The following DIPK2B variants were observed in gnomAD, a reference collection of about 807,000 sequenced individuals.
DIPK2B encodes UPF0672 protein CXorf36.
Under a neutral mutation model 22.2 loss-of-function variants are expected in DIPK2B, and 15 were observed. That is an observed-to-expected ratio of 0.68 (90% CI 0.45 to 1.04). The LOEUF (loss-of-function observed/expected upper bound fraction) is 1.04, where lower values mean the gene tolerates loss of function less well. DIPK2B is among the 50% of genes least tolerant of loss of function. The probability of loss-of-function intolerance (pLI) is 0.00; values close to 1 mark genes in which losing one functional copy is unlikely to be tolerated. For synonymous variants in DIPK2B, 163 were observed against 153.2 expected (o/e 1.06, Z -0.47); for missense variants, 345 against 348.3 (o/e 0.99, Z 0.08).
At chrX:45,175,448 C>A (rs150516991) in intron 2 of DIPK2B, among the ~76,000 whole-genome samples, 2,301 of 108,697 alleles carry the variant, frequency 0.021, 72 homozygotes, top group African/African-American at 0.071. Context: ...TACTTTTAAC[C>A]ATGTTAAATA....
chrX:45,165,480 G>A (rs754553269), intron 2 of DIPK2B, among the ~76,000 whole-genome samples: 2 of 111,059 alleles, frequency 1.8e-5, no homozygotes, highest in Non-Finnish European at 1.9e-5. Flanking sequence ...GAGGGATTGA[G>A]CAGAAAGAAG....
intron 2 of DIPK2B, among the ~76,000 whole-genome samples, chrX:45,161,542 A>G (rs924323272): frequency 1.8e-5 from 2 of 112,506 alleles, no homozygotes; most frequent in Non-Finnish European, 3.8e-5. Flanking sequence ...AACCTGTTGC[A>G]AAGAATAAAA....
At chrX:45,178,108 G>A (rs1346654603) in intron 2 of DIPK2B, among the ~76,000 whole-genome samples, 3 of 111,609 alleles carry the variant, frequency 2.7e-5, no homozygotes, top group Non-Finnish European at 5.6e-5. Flanking sequence ...TGTTATTTAA[G>A]TCAGACTCTC....
chrX:45,183,307 A>G (rs765285891), intron 2 of DIPK2B: 1 of 111,969 alleles, frequency 8.9e-6, no homozygotes, highest in Non-Finnish European at 1.9e-5. Context: ...ACAGGAATGA[A>G]AAGCCAGAAT....
intron 2 of DIPK2B, among the ~76,000 whole-genome samples, chrX:45,189,586 CG>C (rs2047200677): frequency 1.9e-5 from 2 of 107,724 alleles, no homozygotes; most frequent in African/African-American, 6.8e-5. Context: ...GCACTCCAGC[CG>C]GGGTGACAAG....
chrX:45,173,513 TTTTC>T (rs1215134719), intron 2 of DIPK2B, among the ~76,000 whole-genome samples: 27 of 75,306 alleles, frequency 3.6e-4, no homozygotes, highest in African/African-American at 6.6e-4. Flanking sequence ...CTTTCTTTCT[TTTTC>T]TTTCTTTCTT....
intron 2 of DIPK2B, among the ~76,000 whole-genome samples, chrX:45,176,470 T>C (rs1603108215): frequency 8.9e-6 from 1 of 112,357 alleles, no homozygotes; most frequent in South Asian, 3.7e-4. Context: ...TAGTGTCCAC[T>C]GTCTTGTCCC....
chrX:45,156,007 C>A (rs1288935338), intron 3 of DIPK2B, among the ~76,000 whole-genome samples: 2 of 87,534 alleles, frequency 2.3e-5, no homozygotes, highest in East Asian at 8.4e-4. Context: ...TGCTCTCTTG[C>A]CCAGGCTGGA....
chrX:45,198,282 T>C (rs2047250559), intron 1 of DIPK2B, among the ~76,000 whole-genome samples: 1 of 111,537 alleles, frequency 9.0e-6, no homozygotes, highest in Non-Finnish European at 1.9e-5. Flanking sequence ...CAACCTTTCC[T>C]GAAAATACTA....
rs2046961311 is a variant in DIPK2B, at chrX:45,151,594, G to C, written c.*58C>G. 6.4e-6 allele frequency: 7 copies of C among 1,087,676 alleles called. No individual in the cohort carries two copies. Among genetic ancestry groups the C allele is most frequent in the Non-Finnish European group, 8.7e-6 (7 of 802,254 alleles). 89.6% of individuals were successfully genotyped at this position (1,087,676 alleles called of 1,213,427 possible). On this transcript the variant is annotated 3_prime_UTR_variant, in exon 5 of 5. Transcript: ENST00000398000. ...GCTTCTTTCTACCTTGCAGCAACCC[G>C]ACTGGGAGAATGGAGAGCCAAGCGT...
intron 2 of DIPK2B, chrX:45,163,692 T>A (rs2047033474): frequency 4.0e-6 from 3 of 753,386 alleles, no homozygotes; most frequent in Non-Finnish European, 4.7e-6. Context: ...AGAGGTATGC[T>A]TTTTTTTCCC....
chrX:45,197,881 A>G (rs751595925), intron 1 of DIPK2B, among the ~76,000 whole-genome samples: 16 of 112,011 alleles, frequency 1.4e-4, no homozygotes, highest in African/African-American at 5.2e-4. Flanking sequence ...AGCTACAGGG[A>G]TGTTTGACAT....
rs764836390 is a variant in DIPK2B at position 45,153,424 on chromosome X, TA to T, written c.961+485del. 9.2e-5 allele frequency among the ~76,000 whole-genome samples: 10 copies of T among 108,205 alleles called. No individual in the cohort carries two copies. In the South Asian group the frequency reaches 4.0e-3, roughly 44 times the overall value. 94.0% of individuals were successfully genotyped at this position (108,205 alleles called of 115,157 possible). On this transcript the variant is annotated intron_variant, in intron 4 of 4. Transcript: ENST00000398000. Reference sequence around the variant, plus strand: ...TGATATTTAAGTTTTAGATAAAGGGTAAAAGCATCTGATGAGAAAGACTCTG... The same window carrying T: ...TGATATTTAAGTTTTAGATAAAGGGTAAAGCATCTGATGAGAAAGACTCTG...
At chrX:45,186,501 A>G (rs1054171395) in intron 2 of DIPK2B, among the ~76,000 whole-genome samples, 1 of 111,962 alleles carries the variant, frequency 8.9e-6, no homozygotes, top group Non-Finnish European at 1.9e-5. Flanking sequence ...TAGTCATTTC[A>G]TCTTTGACTC....
Position 45,151,852 on chromosome X carries a change from G to C in DIPK2B, c.1102C>G (p.Arg368Gly). 14 of 1,211,400 alleles carry C rather than the reference G, an allele frequency of 1.2e-5. No homozygotes were observed. The highest frequency in any genetic ancestry group is 1.6e-5 in the Non-Finnish European group (14 of 895,170). Residue 368 changes from arginine (R) to glycine (G), a missense_variant, in exon 5 of 5, where the codon CGA (arginine) becomes GGA (glycine). Physicochemically the swap from Arg to Gly is moderately radical, Grantham distance 125 (BLOSUM62 -2). Transcript: ENST00000398000. ...GAGGGGAACCTCCCCTGGAGAAGTC[G>C]AGGCAGCAACTTCTGACACACCAGC... ...LVLVCQKLLP[R>G]LLQGRFPSPV...
At chrX:45,157,911 C>A (rs780524532) in intron 2 of DIPK2B, 23 bp from the exon 3 acceptor site, 19 of 929,765 alleles carry the variant, frequency 2.0e-5, no homozygotes, top group Middle Eastern at 4.7e-4. Flanking sequence ...GGGAGAGAGG[C>A]GGGAGAAGAA....
chrX:45,154,733 T>C (rs1459273293), intron 3 of DIPK2B, among the ~76,000 whole-genome samples: 1 of 112,045 alleles, frequency 8.9e-6, no homozygotes, highest in Non-Finnish European at 1.9e-5. Flanking sequence ...TTATTTGAGA[T>C]TTCACAGATA....
At chrX:45,154,884 A>T (rs1220652812) in intron 3 of DIPK2B, among the ~76,000 whole-genome samples, 1 of 110,881 alleles carries the variant, frequency 9.0e-6, no homozygotes, top group African/African-American at 3.3e-5. Flanking sequence ...ATCAGAGTTC[A>T]CTGCAGCCTC....
chrX:45,193,989 TAA>T (rs2047225636), intron 1 of DIPK2B, among the ~76,000 whole-genome samples: 1 of 110,968 alleles, frequency 9.0e-6, no homozygotes, highest in South Asian at 3.9e-4. Context: ...TAGATAACGA[TAA>T]GAGTAACACG....
Sources: allele counts gnomAD v4.1 joint callset (sites outside exome capture counted in the v4.1 genomes callset), GRCh38; gene constraint gnomAD v4.1.1; transcripts MANE v1.5; gene names NCBI Gene and HGNC (gene_info 2026-07-23, HGNC 2026-07-21).